AGBL3: variants seen among roughly 807,000 people sequenced by gnomAD.
AGBL3 encodes the protein cytosolic carboxypeptidase 3.
AGBL3 carries 68 observed loss-of-function variants against 94.5 expected under a neutral mutation model. The observed-to-expected ratio is 0.72, with a 90% CI of 0.59 to 0.88. The LOEUF is 0.88. Ranked by LOEUF, AGBL3 falls within the 40% of genes least tolerant of loss-of-function variation. The pLI is 0.00. For synonymous variants in AGBL3, 354 were observed against 370.7 expected (o/e 0.95, Z 0.52); for missense variants, 934 against 1,103.8 (o/e 0.85, Z 2.18).
chr7:135,090,964 G>A (rs1328277998), intron 15 of AGBL3, among the ~76,000 whole-genome samples: 2 of 152,138 alleles, frequency 1.3e-5, no homozygotes, highest in Admixed American at 6.5e-5. Flanking sequence ...TTCTCTGGGG[G>A]GAGCACAGCT....
chr7:135,103,588 C>T (rs1824191132), intron 15 of AGBL3, among the ~76,000 whole-genome samples: 1 of 152,130 alleles, frequency 6.6e-6, no homozygotes, highest in Admixed American at 6.6e-5. Flanking sequence ...TATGGAAACC[C>T]ATAATCCCTA....
chr7:135,128,801 A>G, intron 16 of AGBL3: 2 of 1,192,388 alleles, frequency 1.7e-6, no homozygotes, highest in Non-Finnish European at 2.5e-6. Context: ...GATACAGACC[A>G]AGAGGAAACT....
At chr7:135,008,339 G>A (rs1294278922) in intron 4 of AGBL3, among the ~76,000 whole-genome samples, 1 of 152,092 alleles carries the variant, frequency 6.6e-6, no homozygotes, top group Non-Finnish European at 1.5e-5. Context: ...TGTGTCTGTG[G>A]TGAACTGATT....
intron 15 of AGBL3, among the ~76,000 whole-genome samples, chr7:135,083,935 A>C (rs943234856): frequency 6.6e-6 from 1 of 152,168 alleles, no homozygotes; most frequent in African/African-American, 2.4e-5. Flanking sequence ...TCTGGCATTG[A>C]TGACTTGCAG....
intron 16 of AGBL3, among the ~76,000 whole-genome samples, chr7:135,132,367 AAG>A (rs1002438460): frequency 5.3e-5 from 8 of 152,224 alleles, no homozygotes; most frequent in Non-Finnish European, 8.8e-5. Context: ...AATATTCAAA[AAG>A]TAATTGATGA....
chr7:135,106,740 G>A (rs1415528314), intron 15 of AGBL3, among the ~76,000 whole-genome samples: 3 of 152,150 alleles, frequency 2.0e-5, no homozygotes, highest in African/African-American at 7.2e-5. Flanking sequence ...AATGAGTTGG[G>A]GAGGAGTCCC....
In AGBL3 at chr7:135,115,470, G is replaced by A; in HGVS notation, c.2201G>A (p.Arg734Lys). The A allele has an allele frequency of 6.4e-7, 1 of 1,551,272 alleles. No homozygotes were observed. Among genetic ancestry groups the A allele is most frequent in the Non-Finnish European group, 8.7e-7 (1 of 1,146,716 alleles). Residue 734 changes from arginine (R) to lysine (K), a missense_variant, in exon 16 of 17, where the codon AGA (arginine) becomes AAA (lysine). By Grantham distance (26) the Arg-to-Lys change is conservative. This residue lies in a region of AGBL3 where 441 missense variants were observed against 518.2 expected (regional missense o/e 0.85). Transcript: ENST00000436302. ...ATAAATTGGACAGATGATGAAAAAA[G>A]AAGCTACAAGGATAAAGGAATAGTT... ...TGINWTDDEK[R>K]SYKDKGIVQT... is the part of the protein sequence containing the mutation.
At chr7:135,065,716 A>AC (rs1782565535) in intron 12 of AGBL3, among the ~76,000 whole-genome samples, 1 of 152,122 alleles carries the variant, frequency 6.6e-6, no homozygotes, top group Non-Finnish European at 1.5e-5. Context: ...ACAGAGTGAG[A>AC]CCCCACCTCT....
chr7:135,102,891 T>C (rs1233199221), intron 15 of AGBL3, among the ~76,000 whole-genome samples: 1 of 152,106 alleles, frequency 6.6e-6, no homozygotes, highest in African/African-American at 2.4e-5. Context: ...ATAGTACTCA[T>C]AAACACCAAT....
rs113968659 is a variant in AGBL3 at position 135,097,658 on chromosome 7, A to T, written c.2110+15868A>T. The stretch of plus-strand genomic sequence containing the variant: ...GTGACATTGAGGCTTTTATAATAAA[A>T]GTTTGGGGTCACTTTTTAATTTCCT... On this transcript the variant is annotated intron_variant, in intron 15 of 16. Coordinates refer to ENST00000436302, the MANE Select transcript of AGBL3 (RefSeq NM_178563.4). Among the ~76,000 whole-genome samples the T allele has an allele frequency of 9.9e-3, 1,503 of 152,250 alleles. 20 individuals carry two copies. The highest frequency in any genetic ancestry group is 0.034 in the African/African-American group (1,418 of 41,582).
intron 4 of AGBL3, among the ~76,000 whole-genome samples, chr7:135,016,793 A>T (rs1253610006): frequency 6.6e-6 from 1 of 152,220 alleles, no homozygotes; most frequent in Non-Finnish European, 1.5e-5. Context: ...TAAAATAGGT[A>T]TAAAATCAGT....
chr7:135,061,061 C>CTTTT (rs138992892), intron 12 of AGBL3, among the ~76,000 whole-genome samples: 1 of 148,156 alleles, frequency 6.7e-6, no homozygotes. Context: ...CACTAATTAT[C>CTTTT]TTTTTTTTTT....
At chr7:135,065,181 A>G (rs1330374282) in intron 12 of AGBL3, among the ~76,000 whole-genome samples, 1 of 152,236 alleles carries the variant, frequency 6.6e-6, no homozygotes, top group African/African-American at 2.4e-5. Context: ...TGTTCATGAA[A>G]TTGAAGACAC....
At chr7:135,104,124 G>A (rs998201855) in intron 15 of AGBL3, among the ~76,000 whole-genome samples, 56 of 151,836 alleles carry the variant, frequency 3.7e-4, no homozygotes, top group Non-Finnish European at 7.1e-4. Flanking sequence ...GTGTCCCTAT[G>A]TTCTCATAAT....
At chr7:135,029,843 T>C (rs1815530094) in intron 5 of AGBL3, among the ~76,000 whole-genome samples, 1 of 152,130 alleles carries the variant, frequency 6.6e-6, no homozygotes, top group African/African-American at 2.4e-5. Context: ...GGATTATTAA[T>C]TGGCCTAATT....
In AGBL3 at chr7:135,134,965, C is replaced by A. The variant is rs1416978163; in HGVS notation, c.2467C>A (p.Pro823Thr). Residue 823 changes from proline (P) to threonine (T), a missense_variant, in exon 17 of 17, where the codon CCC becomes ACC. By Grantham distance (38) the Pro-to-Thr change is conservative. Coordinates refer to ENST00000436302, the MANE Select transcript of AGBL3 (RefSeq NM_178563.4). ...CTCTTCAGAATGGGTCCAGTCTAAG[C>A]CCCACAGGTCATTGGAAAGTTTATC... ...ANSSEWVQSK[P>T]HRSLESLSPL... 2 of 1,551,044 alleles carry A rather than the reference C, an allele frequency of 1.3e-6. No homozygotes were observed. The highest frequency in any genetic ancestry group is 2.0e-5 in the Admixed American group (1 of 50,956).
chr7:135,109,390 G>A (rs569538313), intron 15 of AGBL3, among the ~76,000 whole-genome samples: 1 of 151,740 alleles, frequency 6.6e-6, no homozygotes, highest in East Asian at 1.9e-4. Flanking sequence ...CTATTGGCTC[G>A]ATAGCCCCAG....
In AGBL3 at chr7:135,126,520, C is replaced by T. The variant is rs371796778; in HGVS notation, c.2343-8321C>T. Among the ~76,000 whole-genome samples, 4 of 152,298 alleles carry T rather than the reference C, an allele frequency of 2.6e-5. No individual in the cohort carries two copies. In the East Asian group the frequency reaches 7.7e-4, roughly 29 times the overall value. On this transcript the variant is annotated intron_variant, in intron 16 of 16. Transcript: ENST00000436302. ...ATCAAACTACCACTGACATTCTTCACAGATTTAGAAAAAACTACTTTAAAT... is the reference window on the plus strand; with the variant it reads ...ATCAAACTACCACTGACATTCTTCATAGATTTAGAAAAAACTACTTTAAAT...
chr7:135,004,893 TA>T (rs1303827857), intron 4 of AGBL3, among the ~76,000 whole-genome samples: 2 of 151,598 alleles, frequency 1.3e-5, no homozygotes, highest in East Asian at 3.8e-4. Context: ...TCTAATAATA[TA>T]AATTTTTTTT....
Sources: allele counts gnomAD v4.1 joint callset (sites outside exome capture counted in the v4.1 genomes callset), GRCh38; gene constraint gnomAD v4.1.1; regional missense constraint gnomAD v4.1.1; transcripts MANE v1.5; gene names NCBI Gene and HGNC (gene_info 2026-07-23, HGNC 2026-07-21).